RC3H2: variants seen among roughly 807,000 people sequenced by gnomAD.
RC3H2 encodes ring finger and CCCH-type domains 2.
Under a neutral mutation model 133.3 loss-of-function variants are expected in RC3H2, and 31 were observed. That is an observed-to-expected ratio of 0.23 (90% CI 0.17 to 0.31). The LOEUF (loss-of-function observed/expected upper bound fraction) is 0.31, where lower values mean the gene tolerates loss of function less well. Among genes scored for constraint, RC3H2 ranks in the 10% least tolerant of loss-of-function variants. RC3H2 has a pLI of 1.00. For missense variants in RC3H2, 1,175 were observed against 1,437.2 expected, an observed-to-expected ratio of 0.82 and a Z score of 2.95; for synonymous variants, 517 against 502.2, an observed-to-expected ratio of 1.03 and a Z score of -0.40.
chr9:122,855,621 G>T, intron 14 of RC3H2, 111 bp downstream of exon 14: 2 of 1,240,300 alleles, frequency 1.6e-6, no homozygotes, highest in Non-Finnish European at 2.2e-6. Flanking sequence ...TGCTGCTACT[G>T]AGTTATAAGG....
chr9:122,894,119 C>T (rs1055512106), intron 2 of RC3H2, among the ~76,000 whole-genome samples: 3 of 151,886 alleles, frequency 2.0e-5, no homozygotes, highest in African/African-American at 4.8e-5. Flanking sequence ...ATTAGCCGGG[C>T]GTGGTGGCGG....
intron 1 of RC3H2, among the ~76,000 whole-genome samples, chr9:122,899,996 G>C (rs1007339772): frequency 6.6e-6 from 1 of 152,028 alleles, no homozygotes; most frequent in Admixed American, 6.5e-5. Context: ...TTGGGGTGGG[G>C]GAGTTTCAAC....
chr9:122,900,579 C>T lies in RC3H2; in HGVS notation c.-67-3003G>A, dbSNP rs554868095. Among the ~76,000 whole-genome samples, 18 of 152,054 alleles carry T rather than the reference C, an allele frequency of 1.2e-4. No homozygotes were observed. The East Asian group carries it at 2.3e-3, about 20-fold the overall frequency. The stretch of plus-strand genomic sequence containing the variant: ...ATAATTTAAAGAGCATATAAATGAA[C>T]CATGGAGCACTAAGACTACATATTA... On this transcript the variant is annotated intron_variant, in intron 1 of 20. Transcript: ENST00000357244.
Position 122,876,028 on chromosome 9 carries a change from G to C in RC3H2, c.1325+1443C>G, listed in dbSNP as rs572764966. On this transcript the variant is annotated intron_variant, in intron 9 of 20. Transcript: ENST00000357244. ...GTGGACAGCGAGAGATTTAAGACTA[G>C]TGAGAAGGCAACAAGGGATCGAGAA... Among the ~76,000 whole-genome samples the C allele has an allele frequency of 2.6e-5, 4 of 152,238 alleles. No homozygotes were observed. In the South Asian group the frequency reaches 8.3e-4, roughly 32 times the overall value.
chr9:122,884,852 C>CAA (rs984960701), intron 4 of RC3H2, among the ~76,000 whole-genome samples: 11 of 94,548 alleles, frequency 1.2e-4, no homozygotes, highest in African/African-American at 3.9e-4. Flanking sequence ...AGTCCGTCTC[C>CAA]AAAAAAAAAA....
chr9:122,856,121 A>G (rs1315477564), intron 13 of RC3H2, among the ~76,000 whole-genome samples: 2 of 152,214 alleles, frequency 1.3e-5, no homozygotes, highest in African/African-American at 4.8e-5. Context: ...TAATACTATC[A>G]AAACCAATTA....
chr9:122,889,186 ATTT>A (rs1180791323), intron 4 of RC3H2, among the ~76,000 whole-genome samples: 1 of 151,994 alleles, frequency 6.6e-6, no homozygotes, highest in East Asian at 1.9e-4. Flanking sequence ...TTTGCTTATA[ATTT>A]TTTTGTGATG....
At chr9:122,861,109 ATTATTT>A (rs1041450260) in intron 10 of RC3H2, among the ~76,000 whole-genome samples, 2 of 152,162 alleles carry the variant, frequency 1.3e-5, no homozygotes, top group Non-Finnish European at 2.9e-5. Flanking sequence ...TTTTATTATT[ATTATTT>A]TTAACACAAA....
At chr9:122,868,871 GTGTGTGTGTGTGTGTGTGTATGTGT>G (rs1411938559) in intron 9 of RC3H2, among the ~76,000 whole-genome samples, 1 of 54,820 alleles carries the variant, frequency 1.8e-5, no homozygotes, top group Non-Finnish European at 4.8e-5. Context: ...GTGTGTGTGT[GTGTGTGTGTGTGTGTGTGTATGTGT>G]TTTTTTTTTT....
Position 122,892,941 on chromosome 9 carries a change from G to T in RC3H2, c.317C>A (p.Ala106Glu). ...TCCACTTAGTGGTTTTAAGTAGAGT[G>T]CCAAATCCTCAACGCATTTCTTTGC... ...EVAKKCVEDL[A>E]LYLKPLSGGK... Residue 106 changes from alanine (A) to glutamate (E), a missense_variant, in exon 3 of 21, where the codon GCA becomes GAA. This residue lies in a region of RC3H2 where 121 missense variants were observed against 243.5 expected (regional missense o/e 0.50). Coordinates refer to ENST00000357244, the MANE Select transcript of RC3H2 (RefSeq NM_001100588.3). The T allele has an allele frequency of 6.2e-7, 1 of 1,612,936 alleles. No individual in the cohort carries two copies.
intron 10 of RC3H2, among the ~76,000 whole-genome samples, chr9:122,861,494 A>G (rs1272564974): frequency 1.0e-4 from 2 of 19,082 alleles, no homozygotes; most frequent in Non-Finnish European, 3.0e-4. Flanking sequence ...CCGTCTCAAA[A>G]AAAAAAAAAA....
chr9:122,859,640 C>A (rs1830383480), intron 11 of RC3H2, among the ~76,000 whole-genome samples: 1 of 152,096 alleles, frequency 6.6e-6, no homozygotes. Context: ...CAAAATTGAA[C>A]ATAAGCATAC....
In RC3H2 at chr9:122,848,113, C is replaced by G. The variant is rs1829907058; in HGVS notation, c.*1514G>C. ...AAAACAACTAAATAGCTCAGACGAC[C>G]AATAACATGATCCTGTTTAAGCATC... On this transcript the variant is annotated 3_prime_UTR_variant, in exon 21 of 21. Coordinates refer to ENST00000357244, the MANE Select transcript of RC3H2 (RefSeq NM_001100588.3). 1 of 152,090 alleles carries G rather than the reference C, an allele frequency of 6.6e-6. No homozygotes were observed. The highest frequency in any genetic ancestry group is 2.4e-5 in the African/African-American group (1 of 41,414). 9.4% of individuals were successfully genotyped at this position (152,090 alleles called of 1,614,324 possible).
At chr9:122,868,599 C>G (rs557907693) in intron 9 of RC3H2, among the ~76,000 whole-genome samples, 39 of 152,142 alleles carry the variant, frequency 2.6e-4, no homozygotes, top group African/African-American at 8.0e-4. Flanking sequence ...GGGACACAAA[C>G]GCTGCGGAAG....
chr9:122,861,652 G>C (rs1830461730), intron 10 of RC3H2, among the ~76,000 whole-genome samples: 1 of 152,092 alleles, frequency 6.6e-6, no homozygotes, highest in Non-Finnish European at 1.5e-5. Flanking sequence ...AAATGATCTT[G>C]TTAATTATGC....
At chr9:122,881,851 G>A (rs1831650805) in intron 5 of RC3H2, among the ~76,000 whole-genome samples, 1 of 152,150 alleles carries the variant, frequency 6.6e-6, no homozygotes, top group Non-Finnish European at 1.5e-5. Context: ...GCATAGAAGT[G>A]ACATGATCAG....
chr9:122,852,025 C>T (rs1367006751), intron 18 of RC3H2, among the ~76,000 whole-genome samples: 5 of 150,884 alleles, frequency 3.3e-5, no homozygotes, highest in African/African-American at 9.8e-5. Context: ...CGTCTCTGCC[C>T]GGCCGCCATC....
intron 9 of RC3H2, among the ~76,000 whole-genome samples, chr9:122,872,679 G>T (rs958986030): frequency 6.6e-6 from 1 of 152,098 alleles, no homozygotes; most frequent in Non-Finnish European, 1.5e-5. Flanking sequence ...CTACCTCCCA[G>T]GTTCACGCGA....
intron 4 of RC3H2, among the ~76,000 whole-genome samples, chr9:122,887,814 G>A (rs951905744): frequency 1.4e-5 from 2 of 145,432 alleles, no homozygotes; most frequent in African/African-American, 5.1e-5. Flanking sequence ...GCATGATCTC[G>A]GCTCACTGCA....
Sources: gnomAD v4.1 joint callset for allele counts (sites outside exome capture counted in the v4.1 genomes callset) on GRCh38, gnomAD v4.1.1 for gene constraint, gnomAD v4.1.1 regional missense constraint, MANE v1.5 for transcripts, NCBI Gene and HGNC (gene_info 2026-07-23, HGNC 2026-07-21) for gene names.